Variants in MAST4 observed in about 807,000 individuals in gnomAD.
MAST4 encodes microtubule associated serine/threonine kinase family member 4, also known as microtubule-associated serine/threonine-protein kinase 4.
Under a neutral mutation model 162.7 loss-of-function variants are expected in MAST4, and 89 were observed. That is an observed-to-expected ratio of 0.55 (90% CI 0.46 to 0.65). MAST4 has a LOEUF of 0.65. Ranked by LOEUF, MAST4 falls within the 30% of genes least tolerant of loss-of-function variation. The probability of loss-of-function intolerance (pLI) is 0.00; values close to 1 mark genes in which losing one functional copy is unlikely to be tolerated. For missense variants in MAST4, 3,153 were observed against 3,374.0 expected, an observed-to-expected ratio of 0.93 and a Z score of 1.62; for synonymous variants, 1,479 against 1,361.1, an observed-to-expected ratio of 1.09 and a Z score of -1.91.
intron 3 of MAST4, among the ~76,000 whole-genome samples, chr5:66,804,621 A>G (rs1756090977): frequency 1.3e-5 from 2 of 152,198 alleles, no homozygotes. Flanking sequence ...GGGGAAGCCT[A>G]TCCTTCCAAT....
intron 3 of MAST4, among the ~76,000 whole-genome samples, chr5:66,791,894 T>C (rs545202185): frequency 6.6e-6 from 1 of 152,314 alleles, no homozygotes; most frequent in Admixed American, 6.5e-5. Context: ...ACGACCATCT[T>C]GATTTCTTTA....
chr5:66,880,255 T>G (rs1761603212), intron 3 of MAST4, among the ~76,000 whole-genome samples: 1 of 152,226 alleles, frequency 6.6e-6, no homozygotes, highest in South Asian at 2.1e-4. Context: ...AGTCAGATAT[T>G]ACATATTTGC....
chr5:66,667,424 T>C lies in MAST4; in HGVS notation c.363+70406T>C, dbSNP rs556513834. 2.5e-4 allele frequency among the ~76,000 whole-genome samples: 38 copies of C among 152,274 alleles called. No individual in the cohort carries two copies. In the South Asian group the frequency reaches 7.7e-3, roughly 31 times the overall value. On this transcript the variant is annotated intron_variant, in intron 1 of 28. Transcript: ENST00000403625. ...TCTGGGAGAAACCTTCTTTGTCTTG[T>C]TTTTCTTTTTCATGAGATTCAGTCG... is the stretch of plus-strand genomic sequence containing the variant.
At chr5:67,039,251 G>T (rs565946846) in intron 4 of MAST4, among the ~76,000 whole-genome samples, 1 of 152,230 alleles carries the variant, frequency 6.6e-6, no homozygotes, top group East Asian at 1.9e-4. Flanking sequence ...CCTAATTCTG[G>T]TCTTGATATG....
intron 2 of MAST4, among the ~76,000 whole-genome samples, chr5:66,774,273 G>A (rs917770801): frequency 1.3e-5 from 2 of 152,204 alleles, no homozygotes; most frequent in African/African-American, 4.8e-5. Context: ...TTCTGTCTTG[G>A]TCTTGGTTGC....
chr5:66,974,694 A>G (rs1023620234), intron 4 of MAST4, among the ~76,000 whole-genome samples: 1 of 152,198 alleles, frequency 6.6e-6, no homozygotes, highest in Non-Finnish European at 1.5e-5. Context: ...ACTTTTTACC[A>G]TGGAATCTAA....
chr5:66,868,885 G>A (rs946712465), intron 3 of MAST4, among the ~76,000 whole-genome samples: 1 of 152,104 alleles, frequency 6.6e-6, no homozygotes, highest in Non-Finnish European at 1.5e-5. Context: ...CAGATCCTGG[G>A]TTTAATATCA....
intron 3 of MAST4, among the ~76,000 whole-genome samples, chr5:66,878,148 G>T (rs1761430584): frequency 1.3e-5 from 2 of 152,202 alleles, no homozygotes; most frequent in Non-Finnish European, 2.9e-5. Context: ...TACCTATCAT[G>T]ATTGGATCAT....
chr5:66,990,485 T>A (rs1394008699), intron 4 of MAST4, among the ~76,000 whole-genome samples: 3 of 152,068 alleles, frequency 2.0e-5, no homozygotes, highest in South Asian at 2.1e-4. Context: ...TAGAATTTTT[T>A]AAAATTAATC....
chr5:66,905,827 C>T (rs1763321098), intron 4 of MAST4, among the ~76,000 whole-genome samples: 1 of 152,104 alleles, frequency 6.6e-6, no homozygotes, highest in Non-Finnish European at 1.5e-5. Flanking sequence ...TATCTAAGAC[C>T]TGGAATCAGT....
At chr5:66,610,005 G>T (rs1349033995) in intron 1 of MAST4, among the ~76,000 whole-genome samples, 1 of 151,976 alleles carries the variant, frequency 6.6e-6, no homozygotes, top group Non-Finnish European at 1.5e-5. Context: ...CCAAAATCAG[G>T]GTGTTGGCAG....
At chr5:66,702,261 C>T (rs1227123826) in intron 1 of MAST4, among the ~76,000 whole-genome samples, 6 of 152,130 alleles carry the variant, frequency 3.9e-5, no homozygotes, top group Non-Finnish European at 5.9e-5. Context: ...ATGGGGTTCA[C>T]TCTTGTTTTT....
At chr5:66,921,534 A>T (rs1764535449) in intron 4 of MAST4, among the ~76,000 whole-genome samples, 1 of 152,216 alleles carries the variant, frequency 6.6e-6, no homozygotes, top group Non-Finnish European at 1.5e-5. Context: ...AGTCAGGCAG[A>T]TCACTTGAGC....
At chr5:66,639,736 A>G (rs1745359662) in intron 1 of MAST4, among the ~76,000 whole-genome samples, 1 of 152,188 alleles carries the variant, frequency 6.6e-6, no homozygotes, top group Admixed American at 6.6e-5. Context: ...GAAAGGAGAT[A>G]AAAATGTAAA....
chr5:66,887,937 G>T (rs182717997), intron 3 of MAST4, among the ~76,000 whole-genome samples: 3 of 151,996 alleles, frequency 2.0e-5, no homozygotes, highest in Non-Finnish European at 4.4e-5. Context: ...GGCTGGGCGC[G>T]GTGGCTCACG....
chr5:66,782,717 T>G (rs539662656), intron 2 of MAST4, among the ~76,000 whole-genome samples: 67 of 152,336 alleles, frequency 4.4e-4, no homozygotes, highest in Non-Finnish European at 2.9e-4. Flanking sequence ...ACAAGCTCAA[T>G]TTGGTATTAA....
intron 4 of MAST4, among the ~76,000 whole-genome samples, chr5:67,045,171 TTTCTATGTTC>T (rs1401760694): frequency 6.6e-6 from 1 of 152,246 alleles, no homozygotes; most frequent in Non-Finnish European, 1.5e-5. Flanking sequence ...ACTAATCTTT[TTTCTATGTTC>T]TTCTGGGTAT....
At chr5:66,767,941 C>T (rs1051843449) in intron 2 of MAST4, among the ~76,000 whole-genome samples, 6 of 152,166 alleles carry the variant, frequency 3.9e-5, no homozygotes, top group African/African-American at 1.4e-4. Context: ...TGTTAATCTC[C>T]TTTGACAACA....
At chr5:66,736,645 G>A (rs1752173511) in intron 1 of MAST4, among the ~76,000 whole-genome samples, 2 of 152,192 alleles carry the variant, frequency 1.3e-5, no homozygotes, top group Non-Finnish European at 2.9e-5. Context: ...GATTAACGTA[G>A]TTTTTCTGCA....
Sources: gnomAD v4.1 joint callset for allele counts (sites outside exome capture counted in the v4.1 genomes callset) on GRCh38, gnomAD v4.1.1 for gene constraint, MANE v1.5 for transcripts, NCBI Gene and HGNC (gene_info 2026-07-23, HGNC 2026-07-21) for gene names.